The following TBC1D8 variants were observed in gnomAD, a reference collection of about 807,000 sequenced individuals.
TBC1D8 encodes the protein BUB2-like protein 1.
In TBC1D8, 65 loss-of-function variants were observed where a neutral mutation model predicts 118.8. The observed-to-expected ratio is 0.55, with a 90% CI of 0.45 to 0.67. The LOEUF is 0.67. Among genes scored for constraint, TBC1D8 ranks in the 30% least tolerant of loss-of-function variants. The pLI is 0.00. For missense variants in TBC1D8, 1,376 were observed against 1,471.2 expected (o/e 0.94, Z 1.06); for synonymous variants, 566 against 595.8 (o/e 0.95, Z 0.73).
At chr2:101,137,352 G>A (rs773098044) in intron 1 of TBC1D8, among the ~76,000 whole-genome samples, 3 of 150,006 alleles carry the variant, frequency 2.0e-5, no homozygotes, top group African/African-American at 4.9e-5. Context: ...TCGCACTCTC[G>A]CCCAAGCTGG....
In TBC1D8 at chr2:101,143,142, A is replaced by T. The variant is rs1174816068; in HGVS notation, c.127+7985T>A. ...CAATGGCGAGATCTCGGCTCACTGC[A>T]ACCTCCGCCTCCCGGGTTCAAACGG... On this transcript the variant is annotated intron_variant, in intron 1 of 19. Coordinates refer to ENST00000409318, the MANE Select transcript of TBC1D8 (RefSeq NM_001330348.2). 4.1e-5 allele frequency among the ~76,000 whole-genome samples: 6 copies of T among 148,066 alleles called. No individual in the cohort carries two copies. The Admixed American group carries it at 4.1e-4, about 10-fold the overall frequency.
At chr2:101,091,934 T>C (rs1368269213) in intron 1 of TBC1D8, among the ~76,000 whole-genome samples, 2 of 152,232 alleles carry the variant, frequency 1.3e-5, no homozygotes, top group Non-Finnish European at 2.9e-5. Context: ...GGGGGCAAGT[T>C]ACTTACATAA....
At chr2:101,019,043 A>T in intron 17 of TBC1D8, 2 of 1,611,034 alleles carry the variant, frequency 1.2e-6, no homozygotes, top group Non-Finnish European at 1.7e-6. Context: ...CCATAAAGGG[A>T]GCCCTCCTGG....
intron 1 of TBC1D8, among the ~76,000 whole-genome samples, chr2:101,150,222 C>T (rs981945750): frequency 3.9e-5 from 6 of 152,182 alleles, no homozygotes; most frequent in Non-Finnish European, 8.8e-5. Flanking sequence ...AACCACTAAC[C>T]CGGGGACCTA....
Position 101,037,510 on chromosome 2 carries a change from T to C in TBC1D8, c.1452+22A>G, listed in dbSNP as rs200930993. The C allele has an allele frequency of 1.3e-4, 205 of 1,609,424 alleles. 1 individual carries two copies. The East Asian group carries it at 4.0e-3, about 31-fold the overall frequency. On this transcript the variant is annotated intron_variant, in intron 8 of 19. Transcript: ENST00000409318. ...CCACGGCTCAGCTTTGTGGTCCAGC[T>C]TGGGCACCAGGCGTCACCCACCATT... is the stretch of plus-strand genomic sequence containing the variant.
intron 2 of TBC1D8, among the ~76,000 whole-genome samples, chr2:101,074,092 C>A (rs185409767): frequency 6.6e-6 from 1 of 152,336 alleles, no homozygotes; most frequent in East Asian, 1.9e-4. Flanking sequence ...TAAGCTTAAT[C>A]ATTTTTAGCT....
chr2:101,063,860 TTC>T (rs1682887756), intron 2 of TBC1D8, among the ~76,000 whole-genome samples: 1 of 152,140 alleles, frequency 6.6e-6, no homozygotes, highest in African/African-American at 2.4e-5. Flanking sequence ...GTGAATATAT[TTC>T]TGTCTGTGGG....
chr2:101,036,829 A>G (rs1211111520), intron 8 of TBC1D8, among the ~76,000 whole-genome samples: 2 of 152,268 alleles, frequency 1.3e-5, no homozygotes, highest in Non-Finnish European at 2.9e-5. Context: ...ACATATATTT[A>G]ACATTCTCAT....
chr2:101,110,074 G>C (rs1185875270), intron 1 of TBC1D8: 4 of 946,758 alleles, frequency 4.2e-6, no homozygotes, highest in Non-Finnish European at 5.0e-6. Flanking sequence ...AACTCTGGCT[G>C]AGATAGATGT....
chr2:101,116,486 C>T (rs1250119160), intron 1 of TBC1D8, among the ~76,000 whole-genome samples: 1 of 152,114 alleles, frequency 6.6e-6, no homozygotes. Flanking sequence ...CCCTGGCCCA[C>T]TTGCCTCTTA....
chr2:101,148,216 A>T (rs1047553386), intron 1 of TBC1D8, among the ~76,000 whole-genome samples: 2 of 152,220 alleles, frequency 1.3e-5, no homozygotes, highest in Admixed American at 6.5e-5. Flanking sequence ...ACTGCCAGGT[A>T]AACAGGAAGC....
chr2:101,146,493 C>T (rs140219319), intron 1 of TBC1D8, among the ~76,000 whole-genome samples: 1,903 of 152,216 alleles, frequency 0.013, 20 homozygotes, highest in African/African-American at 0.023. Context: ...CAGGAATACA[C>T]GCAATAAAAC....
intron 1 of TBC1D8, among the ~76,000 whole-genome samples, chr2:101,094,761 G>A (rs563589853): frequency 4.9e-4 from 75 of 152,276 alleles, no homozygotes; most frequent in Non-Finnish European, 1.0e-3. Context: ...GGTGCTTCCG[G>A]TTTCAGCTCC....
Position 101,011,442 on chromosome 2 carries a change from G to A in TBC1D8, c.2917+9C>T. 2 of 1,613,744 alleles carry A rather than the reference G, an allele frequency of 1.2e-6. No individual in the cohort carries two copies. The highest frequency in any genetic ancestry group is 1.7e-6 in the Non-Finnish European group (2 of 1,179,692). On this transcript the variant is annotated intron_variant, in intron 18 of 19. Coordinates refer to ENST00000409318, the MANE Select transcript of TBC1D8 (RefSeq NM_001330348.2). ...GCAGGGGAAAGCAACAATGAAAAGA[G>A]GTACGTGCCATTGGGTTTCCCGAAA...
At chr2:101,123,672 G>A (rs767666420) in intron 1 of TBC1D8, among the ~76,000 whole-genome samples, 5 of 152,184 alleles carry the variant, frequency 3.3e-5, no homozygotes, top group Admixed American at 6.5e-5. Flanking sequence ...TTAAGGACCA[G>A]TATACTGTCA....
Position 101,100,173 on chromosome 2 carries a change from C to T in TBC1D8, c.128-9809G>A, listed in dbSNP as rs527516803. On this transcript the variant is annotated intron_variant, in intron 1 of 19. Coordinates refer to ENST00000409318, the MANE Select transcript of TBC1D8 (RefSeq NM_001330348.2). ...GTAACATCAGCAAAGTCTCAGGATA[C>T]AAAAATCAATGTGCAAAAATGACAA... 3.3e-5 allele frequency among the ~76,000 whole-genome samples: 5 copies of T among 152,130 alleles called. No homozygotes were observed. The East Asian group carries it at 9.7e-4, about 29-fold the overall frequency.
chr2:101,015,375 G>T (rs1679547828), intron 17 of TBC1D8, among the ~76,000 whole-genome samples: 1 of 152,184 alleles, frequency 6.6e-6, no homozygotes, highest in East Asian at 1.9e-4. Context: ...CACTGCCATA[G>T]ACTTTATAAA....
rs1321459545 is a variant in TBC1D8, at chr2:101,007,980, AAT to A, written c.3307_3308del (p.Ile1103PhefsTer7). On this transcript the variant is annotated frameshift_variant, in exon 20 of 20. Transcript: ENST00000409318. LOFTEE classifies it high-confidence loss of function. ...ERDWTVSLEH[I>X]LASLLTEQSL... ...ACTGTTCAGTCAGAAGTGAAGCTAA[AAT>A]ATGTTCAAGGGAGACAGTCCAGTCC... The A allele has an allele frequency of 6.2e-7, 1 of 1,614,032 alleles. No homozygotes were observed. Among genetic ancestry groups the A allele is most frequent in the Admixed American group, 1.7e-5 (1 of 60,032 alleles).
At chr2:101,132,400 C>A (rs78858210) in intron 1 of TBC1D8, among the ~76,000 whole-genome samples, 209 of 152,234 alleles carry the variant, frequency 1.4e-3, no homozygotes, top group African/African-American at 4.7e-3. Flanking sequence ...TGCCAGGTGA[C>A]CCCATGATGT....
Sources: gnomAD v4.1 joint callset for allele counts (sites outside exome capture counted in the v4.1 genomes callset) on GRCh38, gnomAD v4.1.1 for gene constraint, MANE v1.5 for transcripts, NCBI Gene and HGNC (gene_info 2026-07-23, HGNC 2026-07-21) for gene names.